TUBGCP3: variants seen among roughly 807,000 people sequenced by gnomAD.
TUBGCP3 encodes the protein tubulin gamma complex component 3, also known as gamma-tubulin complex component 3.
A neutral mutation model predicts 123.1 loss-of-function variants in TUBGCP3; 50 were observed. That is an observed-to-expected ratio of 0.41 (90% CI 0.32 to 0.51). The LOEUF (loss-of-function observed/expected upper bound fraction) is 0.51, where lower values mean the gene tolerates loss of function less well. Among genes scored for constraint, TUBGCP3 ranks in the 20% least tolerant of loss-of-function variants. TUBGCP3 has a pLI of 0.36. For synonymous variants in TUBGCP3, 405 were observed against 413.9 expected (o/e 0.98, Z 0.26); for missense variants, 882 against 1,127.0 (o/e 0.78, Z 3.11).
At chr13:112,578,893 A>C (rs1882068848) in intron 1 of TUBGCP3, among the ~76,000 whole-genome samples, 1 of 152,244 alleles carries the variant, frequency 6.6e-6, no homozygotes, top group African/African-American at 2.4e-5. Context: ...TAAATAGAAG[A>C]GTAAAACATA....
chr13:112,554,742 G>T, intron 7 of TUBGCP3, 145 bp downstream of exon 7: 1 of 605,066 alleles, frequency 1.7e-6, no homozygotes, highest in South Asian at 2.1e-5. Context: ...GACAGAAATA[G>T]AAACCAGAAT....
At chr13:112,592,465 TC>T (rs538329360), upstream of TUBGCP3, among the ~76,000 whole-genome samples, 4 of 152,158 alleles carry the variant, frequency 2.6e-5, no homozygotes, top group South Asian at 6.2e-4. The surrounding 1 kb of genome is among the most constrained non-coding windows in gnomAD (Gnocchi z 4.1). Flanking sequence ...TGTTTCATTT[TC>T]CCCCACGGCA....
chr13:112,579,685 C>T (rs1211942767), intron 1 of TUBGCP3, among the ~76,000 whole-genome samples: 2 of 151,822 alleles, frequency 1.3e-5, no homozygotes, highest in Admixed American at 1.3e-4. Flanking sequence ...TCCCACACTG[C>T]TGTGTGCGGG....
chr13:112,515,780 G>C (rs1170257665), intron 17 of TUBGCP3, among the ~76,000 whole-genome samples: 4 of 152,192 alleles, frequency 2.6e-5, no homozygotes, highest in Admixed American at 6.5e-5. Context: ...CCTTCGGCAG[G>C]GGTCACTATT....
intron 11 of TUBGCP3, among the ~76,000 whole-genome samples, chr13:112,534,714 G>A (rs1203133528): frequency 1.3e-5 from 2 of 152,164 alleles, no homozygotes; most frequent in African/African-American, 4.8e-5. Context: ...GGAGCCACAG[G>A]AGCTACCGTA....
At chr13:112,507,691 T>C (rs1225662705) in intron 17 of TUBGCP3, among the ~76,000 whole-genome samples, 1 of 152,146 alleles carries the variant, frequency 6.6e-6, no homozygotes, top group Non-Finnish European at 1.5e-5. Context: ...CTTCTCAGGG[T>C]CAGTCAAGCC....
chr13:112,518,997 T>C lies in TUBGCP3; in HGVS notation c.1928A>G (p.His643Arg). ...TACAGTTGCAATTGGTCCGTCAACATGATAATCGAGGCTGAAGACATCCCA... is the reference window on the plus strand; with the variant it reads ...TACAGTTGCAATTGGTCCGTCAACACGATAATCGAGGCTGAAGACATCCCA... The part of the protein sequence containing the change: ...TGWDVFSLDY[H>R]VDGPIATVFT... The change falls in exon 16 of 22, where the codon CAT becomes CGT. Residue 643 changes from histidine to arginine, a missense_variant. His to Arg is a conservative substitution (Grantham distance 29). Coordinates refer to ENST00000261965, the MANE Select transcript of TUBGCP3 (RefSeq NM_006322.6). 6.2e-7 allele frequency: 1 copy of C among 1,614,042 alleles called. No individual in the cohort carries two copies. The highest frequency in any genetic ancestry group is 8.5e-7 in the Non-Finnish European group (1 of 1,179,888).
intron 17 of TUBGCP3, among the ~76,000 whole-genome samples, chr13:112,514,980 G>A (rs764957152): frequency 1.3e-5 from 2 of 152,176 alleles, no homozygotes; most frequent in African/African-American, 4.8e-5. Flanking sequence ...TCAATAGCGA[G>A]GGGGAAGGAT....
the TUBGCP3 span, among the ~76,000 whole-genome samples, chr13:112,594,555 T>C: frequency 1.3e-5 from 2 of 152,256 alleles, no homozygotes; most frequent in African/African-American, 4.8e-5. Flanking sequence ...TCCTCTGTTA[T>C]GTCTCTGCTT....
At chr13:112,498,898 T>C in intron 20 of TUBGCP3, 147 bp downstream of exon 20, 1 of 1,613,644 alleles carries the variant, frequency 6.2e-7, no homozygotes, top group Non-Finnish European at 8.5e-7. Context: ...CTGTCAGTGA[T>C]TTCTCGGGAC....
chr13:112,601,273 T>G, the TUBGCP3 span, among the ~76,000 whole-genome samples: 3 of 152,190 alleles, frequency 2.0e-5, no homozygotes, highest in Non-Finnish European at 4.4e-5. Flanking sequence ...GACACAAAAT[T>G]CCAGGACTAA....
At chr13:112,528,244 A>G (rs1273900363) in intron 11 of TUBGCP3, among the ~76,000 whole-genome samples, 1 of 152,262 alleles carries the variant, frequency 6.6e-6, no homozygotes, top group East Asian at 1.9e-4. Flanking sequence ...ACACCCTAAT[A>G]GAATTGCACT....
intron 11 of TUBGCP3, among the ~76,000 whole-genome samples, chr13:112,529,855 C>A (rs1877435964): frequency 6.6e-6 from 1 of 152,220 alleles, no homozygotes; most frequent in African/African-American, 2.4e-5. Context: ...ACCCAAAGTG[C>A]CTTTTTGGTG....
the TUBGCP3 span, among the ~76,000 whole-genome samples, chr13:112,596,188 C>T: frequency 6.6e-6 from 1 of 152,140 alleles, no homozygotes; most frequent in African/African-American, 2.4e-5. Context: ...AGAAGAGAGC[C>T]TATTGTAGTT....
chr13:112,571,593 C>A (rs999236478), intron 1 of TUBGCP3, among the ~76,000 whole-genome samples: 1 of 152,190 alleles, frequency 6.6e-6, no homozygotes, highest in African/African-American at 2.4e-5. Flanking sequence ...GCATTAGCCC[C>A]AGACAAGAGT....
At chr13:112,541,619 T>C (rs1456397724) in intron 11 of TUBGCP3, among the ~76,000 whole-genome samples, 2 of 151,200 alleles carry the variant, frequency 1.3e-5, no homozygotes, top group East Asian at 1.9e-4. Flanking sequence ...AAAAGCCTGG[T>C]TGTGAAAAAT....
intron 20 of TUBGCP3, among the ~76,000 whole-genome samples, chr13:112,495,157 TC>T (rs1367929370): frequency 6.6e-5 from 10 of 152,220 alleles, no homozygotes; most frequent in African/African-American, 2.2e-4. Context: ...TCCTAGAGTT[TC>T]CCCCCAGTGT....
chr13:112,542,249 A>G (rs564746442), intron 11 of TUBGCP3, among the ~76,000 whole-genome samples: 10 of 152,360 alleles, frequency 6.6e-5, no homozygotes, highest in Admixed American at 6.5e-4. Context: ...TTTAAACTCA[A>G]ATAACTTGGC....
chr13:112,572,783 T>A lies in TUBGCP3; in HGVS notation c.77-3524A>T, dbSNP rs143498271. Among the ~76,000 whole-genome samples the A allele has an allele frequency of 7.9e-5, 12 of 152,262 alleles. No individual in the cohort carries two copies. In the East Asian group the frequency reaches 2.3e-3, roughly 29 times the overall value. On this transcript the variant is annotated intron_variant, in intron 1 of 21. Coordinates refer to ENST00000261965, the MANE Select transcript of TUBGCP3 (RefSeq NM_006322.6). The stretch of plus-strand genomic sequence containing the variant: ...CACATCAACGTAACAGATGTAATAA[T>A]CATGAAAAAGTCTGAAATACTGTGA...
Sources: allele counts gnomAD v4.1 joint callset (sites outside exome capture counted in the v4.1 genomes callset), GRCh38; gene constraint gnomAD v4.1.1; non-coding constraint Gnocchi (gnomAD v3.1); transcripts MANE v1.5; gene names NCBI Gene and HGNC (gene_info 2026-07-23, HGNC 2026-07-21).